The following UTRN variants were observed in gnomAD, a reference collection of about 807,000 sequenced individuals.
UTRN encodes the protein utrophin, also known as dystrophin-related protein 1.
In UTRN, 283 loss-of-function variants were observed where a neutral mutation model predicts 463.9. The observed-to-expected ratio is 0.61, with a 90% confidence interval of 0.55 to 0.67. The LOEUF (loss-of-function observed/expected upper bound fraction) is 0.67. Among genes scored for constraint, UTRN ranks in the 30% least tolerant of loss-of-function variants. The probability of loss-of-function intolerance (pLI) is 0.00; values close to 1 mark genes in which losing one functional copy is unlikely to be tolerated. For synonymous variants in UTRN, 1,442 were observed against 1,431.5 expected, an observed-to-expected ratio of 1.01 and a Z score of -0.17; for missense variants, 3,922 against 4,084.3, an observed-to-expected ratio of 0.96 and a Z score of 1.08.
At chr6:144,701,682 CTA>C (rs1784605170) in intron 53 of UTRN, among the ~76,000 whole-genome samples, 1 of 152,122 alleles carries the variant, frequency 6.6e-6, no homozygotes, top group South Asian at 2.1e-4. Context: ...TAAGGTGACA[CTA>C]TGATTCTATT....
chr6:144,462,566 GTGACTTT>G (rs1562437683), intron 22 of UTRN, 81 bp from the exon 23 acceptor site: 12 of 1,262,522 alleles, frequency 9.5e-6, no homozygotes, highest in Non-Finnish European at 1.3e-5. Context: ...GCATTTTAAA[GTGACTTT>G]TGACTTTATA....
intron 2 of UTRN, among the ~76,000 whole-genome samples, chr6:144,329,657 C>T (rs1048653999): frequency 6.6e-5 from 10 of 152,192 alleles, no homozygotes. Context: ...GTTTTGTGAT[C>T]TGCCATCACA....
intron 66 of UTRN, among the ~76,000 whole-genome samples, chr6:144,825,375 T>C (rs1320898186): frequency 6.6e-6 from 1 of 152,212 alleles, no homozygotes; most frequent in Non-Finnish European, 1.5e-5. Flanking sequence ...GTTTCTTATT[T>C]TCTCCTTTCA....
intron 2 of UTRN, among the ~76,000 whole-genome samples, chr6:144,303,003 C>G (rs1286962183): frequency 1.3e-5 from 2 of 152,126 alleles, no homozygotes; most frequent in South Asian, 2.1e-4. Flanking sequence ...CTGTAAGAAG[C>G]CACTACAGGA....
At chr6:144,429,013 T>G in intron 8 of UTRN, 120 bp downstream of exon 8, 1 of 640,380 alleles carries the variant, frequency 1.6e-6, no homozygotes, top group Admixed American at 3.4e-5. Context: ...TTTTCCTTTT[T>G]GGAGTATAGG....
intron 69 of UTRN, among the ~76,000 whole-genome samples, chr6:144,831,608 G>A (rs998405146): frequency 4.6e-5 from 7 of 152,128 alleles, no homozygotes; most frequent in East Asian, 3.9e-4. Context: ...GAGTACGTTC[G>A]ATTGACTCTG....
chr6:144,328,624 TG>T (rs1584297988), intron 2 of UTRN, among the ~76,000 whole-genome samples: 1 of 152,202 alleles, frequency 6.6e-6, no homozygotes, highest in Non-Finnish European at 1.5e-5. Flanking sequence ...CCTTTTACAA[TG>T]AGTAAAAATA....
intron 34 of UTRN, among the ~76,000 whole-genome samples, chr6:144,510,264 T>G (rs1343133035): frequency 6.6e-6 from 1 of 152,214 alleles, no homozygotes; most frequent in Admixed American, 6.5e-5. Flanking sequence ...CTCTCTATAA[T>G]TCTGTGACTA....
intron 59 of UTRN, 102 bp downstream of exon 59, chr6:144,772,070 G>C: frequency 1.3e-6 from 1 of 742,716 alleles, no homozygotes; most frequent in Admixed American, 4.5e-5. Flanking sequence ...GATTCTCGCT[G>C]TTGCCCAGGC....
chr6:144,741,524 G>A (rs1790082475), intron 54 of UTRN, among the ~76,000 whole-genome samples: 1 of 152,098 alleles, frequency 6.6e-6, no homozygotes, highest in Non-Finnish European at 1.5e-5. Flanking sequence ...TACAGTAGTA[G>A]GCAAAACAGA....
chr6:144,823,863 G>C (rs1322874473), intron 66 of UTRN, among the ~76,000 whole-genome samples: 1 of 152,078 alleles, frequency 6.6e-6, no homozygotes, highest in Non-Finnish European at 1.5e-5. Context: ...ACCTCTCCCT[G>C]GTATTGGTTA....
At chr6:144,717,856 C>A (rs1003288609) in intron 53 of UTRN, among the ~76,000 whole-genome samples, 1 of 151,612 alleles carries the variant, frequency 6.6e-6, no homozygotes, top group Non-Finnish European at 1.5e-5. Context: ...AGGCTGGTCT[C>A]GAACTCCTGA....
intron 18 of UTRN, among the ~76,000 whole-genome samples, chr6:144,452,052 T>G (rs1207326128): frequency 6.6e-6 from 1 of 152,230 alleles, no homozygotes; most frequent in Non-Finnish European, 1.5e-5. Context: ...CATTACTGCA[T>G]TAACTATTTG....
intron 51 of UTRN, among the ~76,000 whole-genome samples, chr6:144,635,530 CTTTTCTTT>C (rs1777065528): frequency 3.4e-5 from 2 of 59,094 alleles, no homozygotes; most frequent in East Asian, 4.3e-4. Context: ...TTTTTTTTTT[CTTTTCTTT>C]TTTTTTTTTT....
chr6:144,792,954 GA>G (rs1382084714), intron 62 of UTRN, among the ~76,000 whole-genome samples: 1 of 152,046 alleles, frequency 6.6e-6, no homozygotes, highest in Non-Finnish European at 1.5e-5. Context: ...GTTTTTTAAT[GA>G]ATGGAAAAAC....
intron 52 of UTRN, among the ~76,000 whole-genome samples, chr6:144,698,410 C>T (rs577322400): frequency 3.3e-5 from 5 of 152,308 alleles, no homozygotes; most frequent in South Asian, 2.1e-4. Context: ...CTTTGAACTT[C>T]GTTCTGTATT....
At chr6:144,846,668 T>C (rs1782042519) in intron 73 of UTRN, 137 bp from the exon 74 acceptor site, 1 of 1,168,560 alleles carries the variant, frequency 8.6e-7, no homozygotes, top group Admixed American at 2.3e-5. Context: ...TTGTTTTTCC[T>C]ATTAGCATCC....
At chr6:144,671,763 T>C (rs1781061932) in intron 51 of UTRN, among the ~76,000 whole-genome samples, 1 of 152,150 alleles carries the variant, frequency 6.6e-6, no homozygotes. Flanking sequence ...CTTTTAACTT[T>C]TCCCCATTAA....
intron 2 of UTRN, among the ~76,000 whole-genome samples, chr6:144,363,414 G>A (rs1250242291): frequency 6.6e-6 from 1 of 152,208 alleles, no homozygotes; most frequent in Non-Finnish European, 1.5e-5. Flanking sequence ...GTTGAGGACT[G>A]ACTTGGCCTG....
Sources: allele counts gnomAD v4.1 joint callset (sites outside exome capture counted in the v4.1 genomes callset), GRCh38; gene constraint gnomAD v4.1.1; transcripts MANE v1.5; gene names NCBI Gene and HGNC (gene_info 2026-07-23, HGNC 2026-07-21).